OR52E5: variants seen among roughly 807,000 people sequenced by gnomAD.
OR52E5 encodes the protein olfactory receptor family 52 subfamily E member 5, also known as olfactory receptor 52E5.
rs16926732 is a variant in OR52E5, at chr11:5,901,402, A to G, written c.626A>G (p.Asp209Gly). The change falls in exon 3 of 3, where the codon GAC (aspartate) becomes GGC (glycine). Residue 209 changes from aspartate (D) to glycine (G), a missense_variant. Asp to Gly is a moderately conservative substitution (Grantham distance 94). Coordinates refer to ENST00000610445, the MANE Select transcript of OR52E5 (RefSeq NM_001005166.5). ...GLIAFSVGYI[D>G]ISVIGFSYVQ... The stretch of plus-strand genomic sequence containing the variant: ...ATTGCCTTCTCAGTGGGATACATTG[A>G]CATTTCTGTGATTGGATTTTCCTAT... 0.012 allele frequency: 4,913 copies of G among 401,442 alleles called. 134 individuals are homozygous for G. The highest frequency in any genetic ancestry group is 0.063 in the Admixed American group (1,442 of 22,712). 24.9% of individuals were successfully genotyped at this position (401,442 alleles called of 1,614,324 possible).
chr11:5,896,280 G>A (rs1396811210), intron 2 of OR52E5, among the ~76,000 whole-genome samples: 2 of 123,148 alleles, frequency 1.6e-5, no homozygotes, highest in Non-Finnish European at 3.3e-5. Context: ...AATTAGCCGG[G>A]CGTGGTGGCA....
At position 5,901,035 on chromosome 11, in the gene OR52E5, T is replaced by A. The variant is rs373870037; in HGVS notation, c.259T>A (p.Phe87Ile). 82 of 401,972 alleles carry A rather than the reference T, an allele frequency of 2.0e-4. No homozygotes were observed. In the South Asian group the frequency reaches 9.1e-3, roughly 44 times the overall value. 24.9% of individuals were successfully genotyped at this position (401,972 alleles called of 1,614,324 possible). Residue 87 changes from phenylalanine (F) to isoleucine (I), a missense_variant, in exon 3 of 3, where the codon TTC becomes ATC. Physicochemically the swap from Phe to Ile is conservative, Grantham distance 21. Coordinates refer to ENST00000610445, the MANE Select transcript of OR52E5 (RefSeq NM_001005166.5). Reference sequence around the variant, plus strand: ...AACCATCCCCAAGATGCTGGGAATTTTCTGGTTTAATCTTGGAGAGATTGC... The same window carrying A: ...AACCATCCCCAAGATGCTGGGAATTATCTGGTTTAATCTTGGAGAGATTGC... ...TATIPKMLGIFWFNLGEIAFG... is the reference protein window; with the variant it reads ...TATIPKMLGIIWFNLGEIAFG...
intron 2 of OR52E5, among the ~76,000 whole-genome samples, chr11:5,898,873 G>A (rs1847211992): frequency 6.6e-6 from 1 of 152,130 alleles, no homozygotes; most frequent in Non-Finnish European, 1.5e-5. Flanking sequence ...TGGGTAGTGT[G>A]ATGCCTTTGG....
chr11:5,893,956 T>C (rs1847139295), intron 1 of OR52E5, among the ~76,000 whole-genome samples: 1 of 152,186 alleles, frequency 6.6e-6, no homozygotes, highest in Non-Finnish European at 1.5e-5. Context: ...CCTACCTTCC[T>C]GGCTTCTTTA....
intron 2 of OR52E5, among the ~76,000 whole-genome samples, chr11:5,897,839 G>C (rs1237018946): frequency 6.6e-6 from 1 of 151,938 alleles, no homozygotes; most frequent in African/African-American, 2.4e-5. Context: ...GTTTCTCACT[G>C]TGTTTTTGTT....
chr11:5,893,473 G>A (rs919746705), intron 1 of OR52E5, among the ~76,000 whole-genome samples: 5 of 151,836 alleles, frequency 3.3e-5, no homozygotes, highest in African/African-American at 1.2e-4. Flanking sequence ...TATTACTTAA[G>A]GACATGATAA....
intron 2 of OR52E5, among the ~76,000 whole-genome samples, chr11:5,897,470 T>C (rs1847191243): frequency 6.6e-6 from 1 of 152,222 alleles, no homozygotes; most frequent in South Asian, 2.1e-4. Flanking sequence ...TTATTCTTTG[T>C]TATGGCTGTG....
intron 2 of OR52E5, among the ~76,000 whole-genome samples, chr11:5,897,528 C>G (rs1300269457): frequency 6.6e-6 from 1 of 152,170 alleles, no homozygotes; most frequent in Non-Finnish European, 1.5e-5. Context: ...CCCAATCTAC[C>G]ACTGATGGAC....
At chr11:5,895,907 G>A (rs1225320481) in intron 2 of OR52E5, among the ~76,000 whole-genome samples, 194 bp downstream of exon 2, 1 of 151,964 alleles carries the variant, frequency 6.6e-6, no homozygotes, top group Non-Finnish European at 1.5e-5. Flanking sequence ...AAATTAGCCG[G>A]GCGTGGTGGT....
rs1847241882 is a variant in OR52E5 at position 5,900,966 on chromosome 11, T to G, written c.190T>G (p.Phe64Val). The change falls in exon 3 of 3, where the codon TTC becomes GTC. Residue 64 changes from phenylalanine (F) to valine (V), a missense_variant. Phe to Val is a conservative substitution (Grantham distance 50). Coordinates refer to ENST00000610445, the MANE Select transcript of OR52E5 (RefSeq NM_001005166.5). ...EQSLHQPMFY[F>V]LAMLAGTDLG... ...GAGCCTCCACCAACCCATGTTTTACTTCCTAGCCATGTTGGCCGGCACTGA... is the reference window on the plus strand; with the variant it reads ...GAGCCTCCACCAACCCATGTTTTACGTCCTAGCCATGTTGGCCGGCACTGA... The G allele has an allele frequency of 7.5e-6, 3 of 401,742 alleles. No individual in the cohort carries two copies. The highest frequency in any genetic ancestry group is 1.3e-5 in the Non-Finnish European group (3 of 226,304). 24.9% of individuals were successfully genotyped at this position (401,742 alleles called of 1,614,324 possible).
chr11:5,898,875 T>C (rs1213366791), intron 2 of OR52E5, among the ~76,000 whole-genome samples: 1 of 152,200 alleles, frequency 6.6e-6, no homozygotes, highest in Non-Finnish European at 1.5e-5. Context: ...GGTAGTGTGA[T>C]GCCTTTGGCT....
chr11:5,894,457 T>C (rs1332453574), intron 1 of OR52E5, among the ~76,000 whole-genome samples: 2 of 152,112 alleles, frequency 1.3e-5, no homozygotes, highest in Non-Finnish European at 1.5e-5. Context: ...ATGGATAATC[T>C]TGAAATAAGC....
chr11:5,893,753 A>G (rs765851091), intron 1 of OR52E5, among the ~76,000 whole-genome samples: 2 of 152,142 alleles, frequency 1.3e-5, no homozygotes, highest in Non-Finnish European at 2.9e-5. Flanking sequence ...ATCTGAGGTC[A>G]TGTCGCATCA....
intron 2 of OR52E5, among the ~76,000 whole-genome samples, chr11:5,897,722 C>A (rs761123941): frequency 1.1e-4 from 17 of 152,282 alleles, no homozygotes; most frequent in Non-Finnish European, 2.2e-4. Context: ...GGAGGTTGAG[C>A]TAATAAATCC....
At chr11:5,893,834 T>TG (rs1344916171) in intron 1 of OR52E5, among the ~76,000 whole-genome samples, 20 of 152,106 alleles carry the variant, frequency 1.3e-4, no homozygotes, top group African/African-American at 4.8e-4. Flanking sequence ...CTTACTTTTT[T>TG]TGTGTGTGTG....
At position 5,900,660 on chromosome 11, in the gene OR52E5, G is replaced by A; in HGVS notation, c.-117G>A. On this transcript the variant is annotated 5_prime_UTR_variant, in exon 3 of 3. Coordinates refer to ENST00000610445, the MANE Select transcript of OR52E5 (RefSeq NM_001005166.5). The stretch of plus-strand genomic sequence containing the variant: ...TCTTATGCTATATTATGGAGTTAAA[G>A]AATGGATTTTCTGTTTCCCCAAGAA... The A allele has an allele frequency of 2.5e-6, 1 of 397,322 alleles. No homozygotes were observed. The highest frequency in any genetic ancestry group is 3.6e-5 in the East Asian group (1 of 28,076). The allele number at this position is 397,322 out of a possible 1,614,324, so 24.6% of individuals were successfully genotyped here.
At chr11:5,896,521 G>A (rs1220948761) in intron 2 of OR52E5, among the ~76,000 whole-genome samples, 1 of 151,902 alleles carries the variant, frequency 6.6e-6, no homozygotes, top group African/African-American at 2.4e-5. Context: ...TATTAATAGA[G>A]ATATGAAATA....
Position 5,902,135 on chromosome 11 carries a change from G to A in OR52E5, c.*375G>A, listed in dbSNP as rs930517185. Reference sequence around the variant, plus strand: ...AAAACCAGGCAGGATACAGTGGCAAGAGAAATTAACTAGGAGTCATAAGAT... The same window carrying A: ...AAAACCAGGCAGGATACAGTGGCAAAAGAAATTAACTAGGAGTCATAAGAT... On this transcript the variant is annotated 3_prime_UTR_variant, in exon 3 of 3. Transcript: ENST00000610445. The A allele has an allele frequency of 6.1e-6, 1 of 163,086 alleles. No individual in the cohort carries two copies. The highest frequency in any genetic ancestry group is 1.4e-5 in the Non-Finnish European group (1 of 74,038). The allele number at this position is 163,086 out of a possible 1,614,324, so 10.1% of individuals were successfully genotyped here.
intron 2 of OR52E5, among the ~76,000 whole-genome samples, chr11:5,897,245 T>C (rs1026442391): frequency 3.9e-5 from 6 of 152,192 alleles, no homozygotes; most frequent in Non-Finnish European, 8.8e-5. Flanking sequence ...ATAGTGAACA[T>C]TGTACCCAAA....
Sources: allele counts gnomAD v4.1 joint callset (sites outside exome capture counted in the v4.1 genomes callset), GRCh38; gene constraint gnomAD v4.1.1; transcripts MANE v1.5; gene names NCBI Gene and HGNC (gene_info 2026-07-23, HGNC 2026-07-21).